Variants in SEMA3E observed in about 807,000 individuals in gnomAD.
SEMA3E encodes semaphorin-3E.
Under a neutral mutation model 93.6 loss-of-function variants are expected in SEMA3E, and 49 were observed. The ratio of observed to expected loss-of-function variants is 0.52; its 90% CI spans 0.42 to 0.66. The LOEUF is 0.66. Among genes scored for constraint, SEMA3E ranks in the 30% least tolerant of loss-of-function variants. The pLI is 0.00. For missense variants in SEMA3E, 906 were observed against 964.8 expected (o/e 0.94, Z 0.81); for synonymous variants, 363 against 330.7 (o/e 1.10, Z -1.06).
intron 2 of SEMA3E, among the ~76,000 whole-genome samples, chr7:83,488,140 C>G (rs1279538251): frequency 6.6e-6 from 1 of 151,860 alleles, no homozygotes; most frequent in Non-Finnish European, 1.5e-5. Flanking sequence ...TGGATGAAAT[C>G]AGAAGTGTTT....
intron 1 of SEMA3E, among the ~76,000 whole-genome samples, chr7:83,627,493 G>C (rs2115657320): frequency 6.6e-6 from 1 of 152,010 alleles, no homozygotes; most frequent in South Asian, 2.1e-4. Flanking sequence ...TCCTCTATTA[G>C]GTGCATATAT....
At chr7:83,400,353 G>A in intron 10 of SEMA3E, 103 bp from the exon 11 acceptor site, 1 of 1,034,226 alleles carries the variant, frequency 9.7e-7, no homozygotes, top group Non-Finnish European at 1.5e-6. Flanking sequence ...TGTCAAATTA[G>A]TCAATTGTGC....
chr7:83,409,163 G>A (rs925797885), intron 5 of SEMA3E, among the ~76,000 whole-genome samples: 4 of 152,160 alleles, frequency 2.6e-5, no homozygotes, highest in Non-Finnish European at 5.9e-5. Flanking sequence ...CTTAAAATCA[G>A]ACTGAGAAAT....
intron 1 of SEMA3E, among the ~76,000 whole-genome samples, chr7:83,635,439 T>C (rs1793862840): frequency 6.6e-6 from 1 of 151,844 alleles, no homozygotes; most frequent in Admixed American, 6.6e-5. Flanking sequence ...TTTTATTTAC[T>C]CTTTATAATA....
chr7:83,447,900 G>A (rs994177344), intron 4 of SEMA3E, among the ~76,000 whole-genome samples: 1 of 152,110 alleles, frequency 6.6e-6, no homozygotes, highest in Non-Finnish European at 1.5e-5. Context: ...TGTTAACACA[G>A]TGAGTCCTCT....
intron 1 of SEMA3E, among the ~76,000 whole-genome samples, chr7:83,520,396 TC>T (rs1216107894): frequency 6.6e-6 from 1 of 152,118 alleles, no homozygotes; most frequent in Admixed American, 6.6e-5. Context: ...ATTCATTTTC[TC>T]CCTTTCTCCA....
chr7:83,477,163 T>C (rs1012507148), intron 2 of SEMA3E, among the ~76,000 whole-genome samples: 109 of 152,222 alleles, frequency 7.2e-4, no homozygotes, highest in African/African-American at 2.5e-3. Flanking sequence ...TGTCTAAAAA[T>C]TAGATTATCT....
At chr7:83,627,210 C>A (rs1003040090) in intron 1 of SEMA3E, among the ~76,000 whole-genome samples, 1 of 152,168 alleles carries the variant, frequency 6.6e-6, no homozygotes, top group Non-Finnish European at 1.5e-5. Context: ...CTGTAGATGT[C>A]TATCAGGTCC....
intron 14 of SEMA3E, among the ~76,000 whole-genome samples, chr7:83,390,927 T>G (rs1305592183): frequency 6.6e-6 from 1 of 152,218 alleles, no homozygotes; most frequent in Middle Eastern, 3.2e-3. Context: ...CTATGGAAAC[T>G]GCTCAATTAA....
intron 4 of SEMA3E, among the ~76,000 whole-genome samples, chr7:83,454,311 T>G (rs1789438510): frequency 7.6e-6 from 1 of 131,580 alleles, no homozygotes; most frequent in Non-Finnish European, 1.6e-5. Flanking sequence ...TGTGTATATA[T>G]ATTTGATAAA....
intron 4 of SEMA3E, among the ~76,000 whole-genome samples, chr7:83,439,827 A>G (rs905984633): frequency 6.6e-6 from 1 of 152,322 alleles, no homozygotes; most frequent in South Asian, 2.1e-4. Context: ...GCATGATATT[A>G]TGGTGGCTTA....
intron 11 of SEMA3E, among the ~76,000 whole-genome samples, chr7:83,398,508 G>C (rs1000617307): frequency 6.6e-6 from 1 of 152,154 alleles, no homozygotes; most frequent in Admixed American, 6.6e-5. Context: ...GAAATCTGAT[G>C]ACACCGTTAA....
chr7:83,639,487 C>A (rs528381499), intron 1 of SEMA3E, among the ~76,000 whole-genome samples: 6 of 151,700 alleles, frequency 4.0e-5, no homozygotes, highest in African/African-American at 1.2e-4. Flanking sequence ...AAAGCCCAGG[C>A]GGTAATTATA....
In SEMA3E at chr7:83,442,536, T is replaced by C. The variant is rs10263509; in HGVS notation, c.456+23946A>G. 7.0e-3 allele frequency among the ~76,000 whole-genome samples: 1,070 copies of C among 152,350 alleles called. 11 individuals carry two copies. Among genetic ancestry groups the C allele is most frequent in the African/African-American group, 0.024 (1,011 of 41,586 alleles). On this transcript the variant is annotated intron_variant, in intron 4 of 16. Transcript: ENST00000643230. ...TTAGCCACTTAAGGAATGGGAATCC[T>C]ATAGAAAGTTCCCAAAGAAAAACAC...
chr7:83,478,856 G>C (rs1247574654), intron 2 of SEMA3E, among the ~76,000 whole-genome samples: 1 of 152,206 alleles, frequency 6.6e-6, no homozygotes, highest in African/African-American at 2.4e-5. Context: ...CTGGTTCTCA[G>C]TGATGGCTTC....
intron 1 of SEMA3E, among the ~76,000 whole-genome samples, chr7:83,534,255 C>T (rs894752335): frequency 2.0e-5 from 3 of 152,020 alleles, no homozygotes; most frequent in Non-Finnish European, 4.4e-5. Context: ...ACTGGCTGGG[C>T]CAATTACGTC....
At chr7:83,454,273 AT>A (rs869147545) in intron 4 of SEMA3E, among the ~76,000 whole-genome samples, 2,925 of 98,370 alleles carry the variant, frequency 0.03, 74 homozygotes, top group Admixed American at 0.048. Context: ...AAAAAAAAAA[AT>A]ATATATATAT....
intron 3 of SEMA3E, among the ~76,000 whole-genome samples, chr7:83,467,057 C>CTT (rs59059670): frequency 0.16 from 18,132 of 115,340 alleles, 1,223 homozygotes; most frequent in Middle Eastern, 0.28. Flanking sequence ...AATATGCAGT[C>CTT]TTTTTTTTTT....
rs143552682 is a variant in SEMA3E at position 83,583,405 on chromosome 7, G to C, written c.115+65023C>G. ...GTGAGTGGATGTTGAGAAAGGGCTTGTCTTTGAAGGAGGAGAAGCAGTATC... is the reference window on the plus strand; with the variant it reads ...GTGAGTGGATGTTGAGAAAGGGCTTCTCTTTGAAGGAGGAGAAGCAGTATC... On this transcript the variant is annotated intron_variant, in intron 1 of 16. Transcript: ENST00000643230. 6.1e-3 allele frequency among the ~76,000 whole-genome samples: 928 copies of C among 152,246 alleles called. 9 individuals carry two copies. The highest frequency in any genetic ancestry group is 0.021 in the African/African-American group (893 of 41,558).
Sources: allele counts gnomAD v4.1 joint callset (sites outside exome capture counted in the v4.1 genomes callset), GRCh38; gene constraint gnomAD v4.1.1; transcripts MANE v1.5; gene names NCBI Gene and HGNC (gene_info 2026-07-23, HGNC 2026-07-21).